The following STAC variants were observed in gnomAD, a reference collection of about 807,000 sequenced individuals.
The protein encoded by STAC is SH3 and cysteine rich domain.
A neutral mutation model predicts 48.8 loss-of-function variants in STAC; 43 were observed. The observed-to-expected ratio is 0.88, with a 90% CI of 0.69 to 1.14. The LOEUF (loss-of-function observed/expected upper bound fraction) is 1.14. STAC is among the 50% of genes most tolerant of loss of function. The probability of loss-of-function intolerance (pLI) is 0.00; values close to 1 mark genes in which losing one functional copy is unlikely to be tolerated. For synonymous variants in STAC, 193 were observed against 179.5 expected, an observed-to-expected ratio of 1.07 and a Z score of -0.60; for missense variants, 497 against 504.0, an observed-to-expected ratio of 0.99 and a Z score of 0.13.
chr3:36,476,165 T>G (rs34773966), intron 2 of STAC, among the ~76,000 whole-genome samples: 105,870 of 152,118 alleles, frequency 0.7, 37,329 homozygotes, highest in Non-Finnish European at 0.75. Context: ...TCTTTCCTGA[T>G]GGACAGTGAT....
intron 2 of STAC, among the ~76,000 whole-genome samples, chr3:36,479,369 G>A (rs187890752): frequency 6.6e-5 from 10 of 151,902 alleles, no homozygotes; most frequent in Non-Finnish European, 1.3e-4. Flanking sequence ...GTTGCTTACC[G>A]TATCTCCACT....
intron 2 of STAC, among the ~76,000 whole-genome samples, chr3:36,454,555 A>C (rs991297856): frequency 6.6e-6 from 1 of 152,136 alleles, no homozygotes; most frequent in African/African-American, 2.4e-5. Context: ...AGACACACAT[A>C]TATGCTAATC....
chr3:36,390,451 C>CTTTTTTTTTTTT lies in STAC; in HGVS notation c.111+9707_111+9718dup, dbSNP rs59589769. On this transcript the variant is annotated intron_variant, in intron 1 of 10. Coordinates refer to ENST00000273183, the MANE Select transcript of STAC (RefSeq NM_003149.3). Reference sequence around the variant, plus strand: ...GAAGTAATCATGTGATTTTTCTTTTCTTTTTTTTTTTTTTTTTTTTTGTCC... The same window carrying CTTTTTTTTTTTT: ...GAAGTAATCATGTGATTTTTCTTTTCTTTTTTTTTTTTTTTTTTTTTTTTTTTTTTTTTGTCC... Among the ~76,000 whole-genome samples, 181 of 80,822 alleles carry CTTTTTTTTTTTT rather than the reference C, an allele frequency of 2.2e-3. 2 individuals carry two copies. Among genetic ancestry groups the CTTTTTTTTTTTT allele is most frequent in the Non-Finnish European group, 3.2e-3 (132 of 41,006 alleles). 53.0% of individuals were successfully genotyped at this position (80,822 alleles called of 152,430 possible). A position where few individuals can be genotyped will look rare whatever the true frequency, so the allele number is the denominator to read the frequency against.
intron 8 of STAC, among the ~76,000 whole-genome samples, chr3:36,517,135 G>A (rs1698693574): frequency 6.6e-6 from 1 of 152,000 alleles, no homozygotes; most frequent in Admixed American, 6.6e-5. Flanking sequence ...TCATGCATGG[G>A]GTCTCGAACA....
At chr3:36,403,848 GAGTC>G (rs1378679829) in intron 1 of STAC, among the ~76,000 whole-genome samples, 1 of 152,072 alleles carries the variant, frequency 6.6e-6, no homozygotes, top group African/African-American at 2.4e-5. Flanking sequence ...ATCCAATACT[GAGTC>G]ATTTGAATGA....
At chr3:36,533,015 A>G (rs1699107893) in intron 10 of STAC, among the ~76,000 whole-genome samples, 1 of 152,200 alleles carries the variant, frequency 6.6e-6, no homozygotes, top group African/African-American at 2.4e-5. Context: ...AAGGGGCAAA[A>G]GCCTAGTAAG....
chr3:36,525,845 C>A (rs1462403107), intron 8 of STAC, among the ~76,000 whole-genome samples: 1 of 152,174 alleles, frequency 6.6e-6, no homozygotes, highest in East Asian at 1.9e-4. Context: ...GCAGATGTGA[C>A]AAGCCTGTTA....
intron 1 of STAC, among the ~76,000 whole-genome samples, chr3:36,393,798 G>A (rs1052091636): frequency 6.6e-6 from 1 of 151,292 alleles, no homozygotes; most frequent in African/African-American, 2.4e-5. Flanking sequence ...TTCCAGAGCT[G>A]TGAGAAATAA....
At chr3:36,481,803 T>C (rs1189516932) in intron 2 of STAC, among the ~76,000 whole-genome samples, 1 of 152,184 alleles carries the variant, frequency 6.6e-6, no homozygotes, top group Admixed American at 6.5e-5. Context: ...ACGTCTCTTA[T>C]TTTTAGTTTT....
chr3:36,444,783 T>C (rs1414092621), intron 2 of STAC, among the ~76,000 whole-genome samples: 1 of 140,426 alleles, frequency 7.1e-6, no homozygotes, highest in Non-Finnish European at 1.7e-5. Flanking sequence ...ATTACTGATC[T>C]TTTTTTGTTT....
At chr3:36,440,537 G>A (rs1044224431) in intron 1 of STAC, among the ~76,000 whole-genome samples, 1 of 152,268 alleles carries the variant, frequency 6.6e-6, no homozygotes, top group South Asian at 2.1e-4. Flanking sequence ...TCTAGAGGGA[G>A]GACAGAAGTA....
chr3:36,425,235 T>C (rs1445026027), intron 1 of STAC, among the ~76,000 whole-genome samples: 2 of 152,212 alleles, frequency 1.3e-5, no homozygotes, highest in Admixed American at 1.3e-4. Context: ...ATGGAAGACG[T>C]TGACATCAGG....
chr3:36,483,861 G>C (rs1697725904), intron 3 of STAC, among the ~76,000 whole-genome samples: 1 of 152,180 alleles, frequency 6.6e-6, no homozygotes, highest in Non-Finnish European at 1.5e-5. Flanking sequence ...TGAGATTAGA[G>C]GATCGCTTGA....
intron 1 of STAC, among the ~76,000 whole-genome samples, chr3:36,409,066 C>G (rs1700140286): frequency 6.6e-6 from 1 of 152,160 alleles, no homozygotes; most frequent in South Asian, 2.1e-4. Context: ...CAGAAGCTGC[C>G]TCTGGTAAAG....
At chr3:36,524,097 G>A (rs1415717862) in intron 8 of STAC, among the ~76,000 whole-genome samples, 4 of 152,042 alleles carry the variant, frequency 2.6e-5, no homozygotes, top group Non-Finnish European at 4.4e-5. Context: ...AATTTTCACA[G>A]GTTCCAGGGC....
At chr3:36,446,235 T>A (rs968041458) in intron 2 of STAC, among the ~76,000 whole-genome samples, 38 of 152,326 alleles carry the variant, frequency 2.5e-4, no homozygotes, top group African/African-American at 8.9e-4. Context: ...TCTTAAGCTA[T>A]CCCTTCCCAG....
At chr3:36,534,949 G>T (rs953055426) in intron 10 of STAC, among the ~76,000 whole-genome samples, 1 of 152,108 alleles carries the variant, frequency 6.6e-6, no homozygotes, top group African/African-American at 2.4e-5. Flanking sequence ...ATAAGCCACT[G>T]CACCTGGCCT....
At chr3:36,475,933 C>A (rs1469404604) in intron 2 of STAC, among the ~76,000 whole-genome samples, 1 of 152,140 alleles carries the variant, frequency 6.6e-6, no homozygotes, top group Non-Finnish European at 1.5e-5. Flanking sequence ...TTGGAGAGTT[C>A]TAGATGCAGT....
In STAC at chr3:36,410,693, AAC is replaced by A. The variant is rs1700175962; in HGVS notation, c.111+29948_111+29949del. 2.0e-5 allele frequency among the ~76,000 whole-genome samples: 3 copies of A among 152,364 alleles called. No individual in the cohort carries two copies. The South Asian group carries it at 6.2e-4, about 32-fold the overall frequency. On this transcript the variant is annotated intron_variant, in intron 1 of 10. Coordinates refer to ENST00000273183, the MANE Select transcript of STAC (RefSeq NM_003149.3). ...TTACTCAGGCTGAGACAATTAACCAAACACACACACCCATATTCTTGGTAACA... is the reference window on the plus strand; with the variant it reads ...TTACTCAGGCTGAGACAATTAACCAAACACACACCCATATTCTTGGTAACA...
Sources: allele counts gnomAD v4.1 joint callset (sites outside exome capture counted in the v4.1 genomes callset), GRCh38; gene constraint gnomAD v4.1.1; transcripts MANE v1.5; gene names NCBI Gene and HGNC (gene_info 2026-07-23, HGNC 2026-07-21).